Variants in DCAF7 observed in about 807,000 individuals in gnomAD.
The protein encoded by DCAF7 is DDB1- and CUL4-associated factor 7.
A neutral mutation model predicts 41.2 loss-of-function variants in DCAF7; 4 were observed. That is an observed-to-expected ratio of 0.10 (90% CI 0.05 to 0.22). DCAF7 has a LOEUF of 0.22. Ranked by LOEUF, DCAF7 falls within the 10% of genes least tolerant of loss-of-function variation. The pLI, the probability that DCAF7 is intolerant of heterozygous loss-of-function variation, is 1.00. For missense variants in DCAF7, 131 were observed against 443.2 expected (o/e 0.30, Z 6.32); for synonymous variants, 143 against 164.2 (o/e 0.87, Z 0.99).
intron 1 of DCAF7, among the ~76,000 whole-genome samples, chr17:63,558,816 A>C (rs1048181056): frequency 6.6e-6 from 1 of 152,230 alleles, no homozygotes; most frequent in Non-Finnish European, 1.5e-5. Flanking sequence ...TTGTTTCTAC[A>C]GATAAATTTT....
intron 6 of DCAF7, among the ~76,000 whole-genome samples, chr17:63,587,873 C>T (rs2033693486): frequency 6.6e-6 from 1 of 150,860 alleles, no homozygotes; most frequent in Non-Finnish European, 1.5e-5. Flanking sequence ...GTAATCCCAG[C>T]ATTTTGGGAG....
chr17:63,581,562 A>T (rs1040839590), intron 4 of DCAF7, among the ~76,000 whole-genome samples: 1 of 152,214 alleles, frequency 6.6e-6, no homozygotes, highest in Non-Finnish European at 1.5e-5. Flanking sequence ...GCCTCCCATC[A>T]TCCATTTTCC....
intron 1 of DCAF7, among the ~76,000 whole-genome samples, chr17:63,559,348 C>T (rs370739195): frequency 0.32 from 35,107 of 111,358 alleles, 6,131 homozygotes; most frequent in African/African-American, 0.53. Context: ...CATATATATA[C>T]GTATATATAT....
chr17:63,557,369 C>G (rs1022765558), intron 1 of DCAF7, among the ~76,000 whole-genome samples: 1 of 151,984 alleles, frequency 6.6e-6, no homozygotes, highest in African/African-American at 2.4e-5. Context: ...AAAGGCTGGG[C>G]ACAGTGGTTC....
rs576925927 is a variant in DCAF7 at position 63,592,297 on chromosome 17, T to G, written c.*3125T>G. On this transcript the variant is annotated 3_prime_UTR_variant, in exon 7 of 7. Transcript: ENST00000614556. Reference sequence around the variant, plus strand: ...GCGGGTACCTGTAGTCCTAGCTACTTGGGAGGCTGAGGCAGGAGAATGGCG... The same window carrying G: ...GCGGGTACCTGTAGTCCTAGCTACTGGGGAGGCTGAGGCAGGAGAATGGCG... The G allele has an allele frequency of 6.6e-6, 1 of 151,862 alleles. No individual in the cohort carries two copies. The highest frequency in any genetic ancestry group is 1.5e-5 in the Non-Finnish European group (1 of 67,992). 9.4% of individuals were successfully genotyped at this position (151,862 alleles called of 1,614,324 possible).
intron 1 of DCAF7, among the ~76,000 whole-genome samples, chr17:63,551,931 A>AAAAAAG (rs1568095488): frequency 6.7e-5 from 8 of 119,026 alleles, no homozygotes; most frequent in South Asian, 6.0e-4. Context: ...AAAAAAAAAA[A>AAAAAAG]GCCGGGCGTA....
chr17:63,553,335 C>G (rs1163788967), intron 1 of DCAF7, among the ~76,000 whole-genome samples: 1 of 152,120 alleles, frequency 6.6e-6, no homozygotes, highest in Non-Finnish European at 1.5e-5. Flanking sequence ...GCACCTGACC[C>G]CATTTGTAAT....
chr17:63,583,796 C>T (rs2033649362), intron 5 of DCAF7, 85 bp downstream of exon 5: 1 of 1,377,512 alleles, frequency 7.3e-7, no homozygotes, highest in Non-Finnish European at 1.0e-6. Flanking sequence ...TCAACTGGAG[C>T]AGTTTGGCTC....
chr17:63,584,080 C>A (rs1479627259), intron 5 of DCAF7, among the ~76,000 whole-genome samples: 4 of 152,192 alleles, frequency 2.6e-5, no homozygotes, highest in African/African-American at 7.2e-5. Flanking sequence ...AAAGAGTAAA[C>A]CAAATCGTAT....
chr17:63,562,444 A>G (rs948536867), intron 1 of DCAF7, among the ~76,000 whole-genome samples: 2 of 152,210 alleles, frequency 1.3e-5, no homozygotes, highest in Non-Finnish European at 2.9e-5. Flanking sequence ...TCTATAGTAC[A>G]TACAAATAAA....
intron 1 of DCAF7, among the ~76,000 whole-genome samples, chr17:63,553,822 G>C (rs1379376299): frequency 6.6e-6 from 1 of 152,186 alleles, no homozygotes; most frequent in Non-Finnish European, 1.5e-5. Context: ...TTAAGAAATT[G>C]ACTTCCAGGT....
At chr17:63,579,128 G>A (rs1396466223) in intron 2 of DCAF7, among the ~76,000 whole-genome samples, 1 of 152,180 alleles carries the variant, frequency 6.6e-6, no homozygotes, top group Admixed American at 6.5e-5. Context: ...AAGGTGCAGG[G>A]ATGAAAATGT....
chr17:63,582,038 A>G (rs986041527), intron 4 of DCAF7, among the ~76,000 whole-genome samples: 1 of 152,066 alleles, frequency 6.6e-6, no homozygotes, highest in Admixed American at 6.6e-5. Flanking sequence ...TCTGTCCCTG[A>G]GGGTTACCAG....
chr17:63,569,640 G>T (rs2033483895), intron 1 of DCAF7, among the ~76,000 whole-genome samples: 1 of 152,150 alleles, frequency 6.6e-6, no homozygotes, highest in Non-Finnish European at 1.5e-5. Context: ...ATATTTAGGA[G>T]CCAATACTAT....
Position 63,589,005 on chromosome 17 carries a change from G to A in DCAF7, c.862G>A (p.Asp288Asn). 6.2e-7 allele frequency: 1 copy of A among 1,609,122 alleles called. No individual in the cohort carries two copies. Among genetic ancestry groups the A allele is most frequent in the Non-Finnish European group, 8.5e-7 (1 of 1,176,558 alleles). The change falls in exon 7 of 7, where the codon GAC (aspartate) becomes AAC (asparagine). Residue 288 changes from aspartate (D) to asparagine (N), a missense_variant. Transcript: ENST00000614556. ...CTGGCTTTCTTTGTCCCTAGCGGAT[G>A]ACCACCAGGCTCTCATCTGGGACAT... ...SSCHICTAADDHQALIWDIQQ... is the reference protein window; with the variant it reads ...SSCHICTAADNHQALIWDIQQ...
rs151234046 is a variant in DCAF7, at chr17:63,584,864, C to T, written c.739-347C>T. Among the ~76,000 whole-genome samples, 8 of 152,270 alleles carry T rather than the reference C, an allele frequency of 5.3e-5. No individual in the cohort carries two copies. The East Asian group carries it at 1.5e-3, about 29-fold the overall frequency. On this transcript the variant is annotated intron_variant, in intron 5 of 6. Transcript: ENST00000614556. ...ATTGGTTGTCCTTGGTTTGGTGGCG[C>T]TAGCACCTCAGATTCTGCTTTGGCT...
Position 63,585,228 on chromosome 17 carries a change from C to G in DCAF7, c.756C>G (p.Val252=). ...TTCCGCAGGTGGTGATTCTAGATGT[C>G]CGGGTTCCCTGCACACCTGTCGCCA... ...MDGMEVVILD[V]RVPCTPVARL... Residue 252 remains valine, a synonymous_variant, in exon 6 of 7, where the codon GTC becomes GTG. Transcript: ENST00000614556. 6.2e-7 allele frequency: 1 copy of G among 1,613,924 alleles called. No individual in the cohort carries two copies.
intron 1 of DCAF7, among the ~76,000 whole-genome samples, chr17:63,566,649 G>A (rs1407358500): frequency 3.3e-5 from 5 of 152,140 alleles, no homozygotes; most frequent in Admixed American, 6.6e-5. Flanking sequence ...AGCTGACAAC[G>A]GTGGCTGACA....
intron 1 of DCAF7, among the ~76,000 whole-genome samples, chr17:63,559,320 T>TATAC (rs1568097610): frequency 1.1e-5 from 1 of 87,158 alleles, no homozygotes; most frequent in Admixed American, 1.1e-4. Context: ...TATATATATA[T>TATAC]GTATATATAT....
Sources: allele counts gnomAD v4.1 joint callset (sites outside exome capture counted in the v4.1 genomes callset), GRCh38; gene constraint gnomAD v4.1.1; transcripts MANE v1.5; gene names NCBI Gene and HGNC (gene_info 2026-07-23, HGNC 2026-07-21).